The following ZNF385D variants were observed in gnomAD, a reference collection of about 807,000 sequenced individuals.
The protein encoded by ZNF385D is zinc finger protein 385D, also known as zinc finger protein 659.
In ZNF385D, 15 loss-of-function variants were observed where a neutral mutation model predicts 35.8. The ratio of observed to expected loss-of-function variants is 0.42; its 90% CI spans 0.28 to 0.64. ZNF385D has a LOEUF of 0.64. Among genes scored for constraint, ZNF385D ranks in the 30% least tolerant of loss-of-function variants. The probability of loss-of-function intolerance (pLI) is 0.23; values close to 1 mark genes in which losing one functional copy is unlikely to be tolerated. For missense variants in ZNF385D, 474 were observed against 494.6 expected (o/e 0.96, Z 0.39); for synonymous variants, 212 against 186.8 (o/e 1.13, Z -1.10).
intron 3 of ZNF385D, among the ~76,000 whole-genome samples, chr3:21,960,772 C>A (rs1045446532): frequency 1.3e-5 from 2 of 151,840 alleles, no homozygotes; most frequent in African/African-American, 4.8e-5. Context: ...AAGAATGAAA[C>A]CCTATCATTC....
chr3:21,858,414 T>A (rs1194451478), intron 3 of ZNF385D, among the ~76,000 whole-genome samples: 1 of 151,964 alleles, frequency 6.6e-6, no homozygotes, highest in South Asian at 2.1e-4. Flanking sequence ...CAGATTCACA[T>A]GTTTAAACCT....
chr3:21,760,638 C>T (rs974692554), intron 3 of ZNF385D, among the ~76,000 whole-genome samples: 3 of 152,106 alleles, frequency 2.0e-5, no homozygotes, highest in African/African-American at 7.2e-5. Context: ...AAAGGTCATA[C>T]TTTTCTTTAT....
At chr3:21,971,567 AG>A (rs938637888) in intron 3 of ZNF385D, among the ~76,000 whole-genome samples, 1 of 151,742 alleles carries the variant, frequency 6.6e-6, no homozygotes, top group Admixed American at 6.6e-5. Flanking sequence ...AAGAAGGAAG[AG>A]ATGGCCAAAA....
At chr3:22,101,963 C>T (rs1701965923) in intron 3 of ZNF385D, among the ~76,000 whole-genome samples, 1 of 151,264 alleles carries the variant, frequency 6.6e-6, no homozygotes, top group Non-Finnish European at 1.5e-5. Context: ...GTCCAAGTTT[C>T]ATAGGATCTA....
At chr3:21,717,715 A>C (rs901538224) in intron 1 of ZNF385D, among the ~76,000 whole-genome samples, 1 of 152,144 alleles carries the variant, frequency 6.6e-6, no homozygotes, top group African/African-American at 2.4e-5. Context: ...ATAGTTTTAT[A>C]AAGGGAAACC....
intron 4 of ZNF385D, among the ~76,000 whole-genome samples, chr3:21,445,432 CT>C (rs2125259774): frequency 6.6e-6 from 1 of 152,266 alleles, no homozygotes; most frequent in South Asian, 2.1e-4. Flanking sequence ...AGTATTATTA[CT>C]TTTTTTCTCT....
At chr3:22,340,307 G>T (rs1016188129) in intron 2 of ZNF385D, among the ~76,000 whole-genome samples, 5 of 151,882 alleles carry the variant, frequency 3.3e-5, no homozygotes, top group African/African-American at 1.2e-4. Flanking sequence ...TAAAGATTTG[G>T]GCCCAGTTAA....
chr3:21,887,735 C>T (rs1467030338), intron 3 of ZNF385D, among the ~76,000 whole-genome samples: 1 of 152,082 alleles, frequency 6.6e-6, no homozygotes, highest in Non-Finnish European at 1.5e-5. Context: ...GTGTCTAAGA[C>T]TTACCCTAGG....
chr3:22,201,516 T>G (rs942333779), intron 2 of ZNF385D, among the ~76,000 whole-genome samples: 1 of 152,020 alleles, frequency 6.6e-6, no homozygotes, highest in Admixed American at 6.6e-5. Flanking sequence ...TTTCATAGAA[T>G]AGATACAGAA....
At chr3:22,076,065 A>G (rs1410719645) in intron 3 of ZNF385D, among the ~76,000 whole-genome samples, 2 of 152,028 alleles carry the variant, frequency 1.3e-5, no homozygotes, top group Non-Finnish European at 2.9e-5. Flanking sequence ...AGTCTAAACT[A>G]CTGTAATTTT....
intron 2 of ZNF385D, among the ~76,000 whole-genome samples, chr3:22,307,512 A>T (rs1437032502): frequency 6.6e-6 from 1 of 152,130 alleles, no homozygotes; most frequent in African/African-American, 2.4e-5. Context: ...ATAAATAAGT[A>T]CTTGTGTGTG....
At chr3:22,101,854 T>C (rs969816667) in intron 3 of ZNF385D, among the ~76,000 whole-genome samples, 5 of 151,902 alleles carry the variant, frequency 3.3e-5, no homozygotes, top group East Asian at 1.9e-4. Flanking sequence ...CTGGTGACTA[T>C]ATATTTTCTG....
At chr3:21,731,372 G>C (rs1333572723) in intron 1 of ZNF385D, among the ~76,000 whole-genome samples, 2 of 152,038 alleles carry the variant, frequency 1.3e-5, no homozygotes, top group African/African-American at 4.8e-5. Context: ...TAGGCTCACA[G>C]CCATATTGAA....
chr3:22,185,110 A>G (rs998975158), intron 2 of ZNF385D, among the ~76,000 whole-genome samples: 1 of 152,178 alleles, frequency 6.6e-6, no homozygotes, highest in Non-Finnish European at 1.5e-5. Context: ...TAATCTACCA[A>G]TGAGAGAGCA....
At chr3:21,756,079 T>C (rs768366081), upstream of ZNF385D, among the ~76,000 whole-genome samples, 2 of 152,342 alleles carry the variant, frequency 1.3e-5, no homozygotes, top group South Asian at 4.1e-4. Context: ...TGATTTGACA[T>C]GCTTCAACAA....
chr3:22,206,295 G>A (rs1015705496), intron 2 of ZNF385D, among the ~76,000 whole-genome samples: 1 of 151,886 alleles, frequency 6.6e-6, no homozygotes, highest in Non-Finnish European at 1.5e-5. Context: ...ATATTCTAGA[G>A]CTAAAGAGAG....
chr3:22,194,118 G>C (rs141931905), intron 2 of ZNF385D, among the ~76,000 whole-genome samples: 1 of 151,760 alleles, frequency 6.6e-6, no homozygotes, highest in Non-Finnish European at 1.5e-5. Context: ...TAACACAGAA[G>C]AATTATTATT....
At chr3:21,869,212 A>G (rs1313237952) in intron 3 of ZNF385D, among the ~76,000 whole-genome samples, 1 of 152,130 alleles carries the variant, frequency 6.6e-6, no homozygotes, top group Non-Finnish European at 1.5e-5. Context: ...ACTATCTTCC[A>G]TGGCTAATGT....
intron 2 of ZNF385D, among the ~76,000 whole-genome samples, chr3:21,640,504 G>T (rs1049694281): frequency 6.6e-6 from 1 of 152,038 alleles, no homozygotes; most frequent in East Asian, 1.9e-4. Flanking sequence ...AGGTAATTAG[G>T]TTTAGAGGCA....
Sources: gnomAD v4.1 joint callset for allele counts (sites outside exome capture counted in the v4.1 genomes callset) on GRCh38, gnomAD v4.1.1 for gene constraint, MANE v1.5 for transcripts, NCBI Gene and HGNC (gene_info 2026-07-23, HGNC 2026-07-21) for gene names.